Variants in SNX6 observed in about 807,000 individuals in gnomAD.
SNX6 encodes sorting nexin-6.
Under a neutral mutation model 63.0 loss-of-function variants are expected in SNX6, and 34 were observed. The observed-to-expected ratio is 0.54, with a 90% CI of 0.41 to 0.72. SNX6 has a LOEUF of 0.72. Ranked by LOEUF, SNX6 falls within the 30% of genes least tolerant of loss-of-function variation. SNX6 has a pLI of 0.00. For synonymous variants in SNX6, 170 were observed against 164.2 expected (o/e 1.04, Z -0.27); for missense variants, 398 against 471.4 (o/e 0.84, Z 1.44).
At chr14:34,578,290 T>C (rs1436842098) in intron 10 of SNX6, among the ~76,000 whole-genome samples, 1 of 152,172 alleles carries the variant, frequency 6.6e-6, no homozygotes, top group Non-Finnish European at 1.5e-5. Context: ...CTTGTACTAT[T>C]TTCTGCAACT....
At chr14:34,598,430 ATCC>A (rs1006106580) in intron 6 of SNX6, among the ~76,000 whole-genome samples, 8 of 152,158 alleles carry the variant, frequency 5.3e-5, no homozygotes, top group African/African-American at 1.9e-4. Flanking sequence ...TCCCTCTGTC[ATCC>A]AAGGCTGAAG....
chr14:34,630,005 G>A, intron 1 of SNX6, 51 bp from the exon 2 acceptor site: 2 of 1,505,950 alleles, frequency 1.3e-6, no homozygotes, highest in Middle Eastern at 1.8e-4. Context: ...AGATGGGGGA[G>A]ACACAAAGGG....
intron 6 of SNX6, 55 bp from the exon 7 acceptor site, chr14:34,597,700 C>T: frequency 2.1e-6 from 2 of 931,134 alleles, no homozygotes; most frequent in Non-Finnish European, 3.3e-6. Flanking sequence ...GCAGTGCCTC[C>T]TTTATTCTTT....
At chr14:34,585,423 G>A (rs1014814347) in intron 9 of SNX6, among the ~76,000 whole-genome samples, 1 of 151,990 alleles carries the variant, frequency 6.6e-6, no homozygotes, top group African/African-American at 2.4e-5. Flanking sequence ...TGGAAGCTGA[G>A]GTGGGAGAAC....
chr14:34,591,775 A>G (rs1882402989), intron 8 of SNX6, among the ~76,000 whole-genome samples: 1 of 152,158 alleles, frequency 6.6e-6, no homozygotes, highest in African/African-American at 2.4e-5. Flanking sequence ...TAACTGATGG[A>G]TTTTTGGCCA....
At chr14:34,611,333 C>T (rs1311571723) in intron 2 of SNX6, among the ~76,000 whole-genome samples, 9 of 152,220 alleles carry the variant, frequency 5.9e-5, no homozygotes, top group South Asian at 2.1e-4. Flanking sequence ...AAAAATTAGC[C>T]GGGCACATGT....
Position 34,575,803 on chromosome 14 carries a change from G to C in SNX6, c.874C>G (p.Leu292Val). 6.3e-7 allele frequency: 1 copy of C among 1,596,032 alleles called. No homozygotes were observed. Among genetic ancestry groups the C allele is most frequent in the Admixed American group, 1.7e-5 (1 of 57,760 alleles). ...AAGTAATATTTTAAAAGATCAGAAA[G>C]TTTGAGGTCTTCATCAGCAGACACT... ...ARVSADEDLK[L>V]SDLLKYYLRE... The change falls in exon 11 of 14, where the codon CTT (leucine) becomes GTT (valine). Residue 292 changes from leucine to valine, a missense_variant. Leu to Val is a conservative substitution (Grantham distance 32). Transcript: ENST00000362031.
At chr14:34,564,495 T>C (rs1881080161) in intron 13 of SNX6, among the ~76,000 whole-genome samples, 1 of 151,930 alleles carries the variant, frequency 6.6e-6, no homozygotes, top group African/African-American at 2.4e-5. Flanking sequence ...TTATCAGAAA[T>C]CTAAATACAG....
intron 2 of SNX6, among the ~76,000 whole-genome samples, chr14:34,614,658 G>A (rs933104723): frequency 1.4e-4 from 21 of 152,070 alleles, no homozygotes; most frequent in African/African-American, 1.7e-4. Context: ...TGGCTCACGC[G>A]TGGAATCCCT....
At position 34,563,491 on chromosome 14, in the gene SNX6, G is replaced by A. The variant is rs113810148; in HGVS notation, c.1168-316C>T. 2.8e-3 allele frequency among the ~76,000 whole-genome samples: 423 copies of A among 151,692 alleles called. 1 individual carries two copies. The highest frequency in any genetic ancestry group is 9.8e-3 in the African/African-American group (405 of 41,358). ...AGAGAATGGCATGAACCCGGGAAGC[G>A]GAGCTTGCAGTGAGCAGAGATCGCG... is the stretch of plus-strand genomic sequence containing the variant. On this transcript the variant is annotated intron_variant, in intron 13 of 13. Transcript: ENST00000362031.
At chr14:34,563,646 T>C (rs1000377753) in intron 13 of SNX6, among the ~76,000 whole-genome samples, 1 of 152,204 alleles carries the variant, frequency 6.6e-6, no homozygotes, top group Non-Finnish European at 1.5e-5. Context: ...CAGCCATTCA[T>C]TATATACACA....
At position 34,591,325 on chromosome 14, in the gene SNX6, T is replaced by C. The variant is rs116522281; in HGVS notation, c.718+1720A>G. On this transcript the variant is annotated intron_variant, in intron 8 of 13. Transcript: ENST00000362031. ...TATGCACTTGGCCGTTTAGAAAACA[T>C]TGGTCCAATGAATTATGCAGATGTT... is the stretch of plus-strand genomic sequence containing the variant. Among the ~76,000 whole-genome samples, 730 of 152,274 alleles carry C rather than the reference T, an allele frequency of 4.8e-3. 4 individuals carry two copies. The highest frequency in any genetic ancestry group is 0.017 in the African/African-American group (688 of 41,572).
At chr14:34,609,157 G>A (rs2138356270) in intron 3 of SNX6, among the ~76,000 whole-genome samples, 1 of 151,830 alleles carries the variant, frequency 6.6e-6, no homozygotes, top group Admixed American at 6.6e-5. Context: ...TTTGCCTTCT[G>A]TCTAGGTTCT....
At chr14:34,567,809 T>C (rs752052091) in intron 12 of SNX6, 38 bp from the exon 13 acceptor site, 2 of 1,611,924 alleles carry the variant, frequency 1.2e-6, no homozygotes, top group Non-Finnish European at 8.5e-7. Flanking sequence ...ATTTACATAA[T>C]AGTCATAAAG....
intron 4 of SNX6, among the ~76,000 whole-genome samples, chr14:34,607,128 A>C (rs1325849598): frequency 6.6e-6 from 1 of 152,136 alleles, no homozygotes; most frequent in Non-Finnish European, 1.5e-5. Flanking sequence ...CTTAATCCCT[A>C]GGACAAGCCC....
chr14:34,596,861 G>A (rs1882622052), intron 7 of SNX6, among the ~76,000 whole-genome samples: 1 of 151,774 alleles, frequency 6.6e-6, no homozygotes, highest in Admixed American at 6.6e-5. Context: ...GTAGAGACGG[G>A]GTTTCACCAT....
chr14:34,605,733 A>G lies in SNX6; in HGVS notation c.271-16T>C. 1.3e-6 allele frequency: 2 copies of G among 1,585,462 alleles called. No individual in the cohort carries two copies. Among genetic ancestry groups the G allele is most frequent in the Non-Finnish European group, 1.7e-6 (2 of 1,172,708 alleles). The stretch of plus-strand genomic sequence containing the variant: ...CTGGTGGAATCTGTAACAGGACCAA[A>G]TGACTAATTTTAAGGAAATTTTCAT... On this transcript the variant is annotated splice_polypyrimidine_tract_variant and intron_variant, in intron 4 of 13. Coordinates refer to ENST00000362031, the MANE Select transcript of SNX6 (RefSeq NM_152233.4).
At chr14:34,621,068 C>T (rs1041961975) in intron 2 of SNX6, among the ~76,000 whole-genome samples, 5 of 152,158 alleles carry the variant, frequency 3.3e-5, no homozygotes, top group African/African-American at 1.2e-4. Flanking sequence ...CCTGCCTCAG[C>T]CTCCCAAGTA....
chr14:34,604,181 G>C, intron 5 of SNX6: 1 of 1,288,284 alleles, frequency 7.8e-7, no homozygotes, highest in Non-Finnish European at 1.0e-6. Flanking sequence ...ATCTCTGTGA[G>C]GGTAGTCATT....
Sources: gnomAD v4.1 joint callset for allele counts (sites outside exome capture counted in the v4.1 genomes callset) on GRCh38, gnomAD v4.1.1 for gene constraint, MANE v1.5 for transcripts, NCBI Gene and HGNC (gene_info 2026-07-23, HGNC 2026-07-21) for gene names.